Variants in DESI2 observed in about 807,000 individuals in gnomAD.
DESI2 encodes desumoylating isopeptidase 2.
In DESI2, 10 loss-of-function variants were observed where a neutral mutation model predicts 24.1. The observed-to-expected ratio is 0.41, with a 90% CI of 0.26 to 0.70. The LOEUF (loss-of-function observed/expected upper bound fraction) is 0.70, where lower values mean the gene tolerates loss of function less well. Ranked by LOEUF, DESI2 falls within the 30% of genes least tolerant of loss-of-function variation. The pLI is 0.29. For missense variants in DESI2, 122 were observed against 234.9 expected (o/e 0.52, Z 3.14); for synonymous variants, 71 against 87.7 (o/e 0.81, Z 1.06).
Position 244,705,881 on chromosome 1 carries a change from A to G in DESI2, c.*92A>G. On this transcript the variant is annotated 3_prime_UTR_variant, in exon 5 of 5. Transcript: ENST00000302550. ...GAGAAGCATCCTTTAGATATTTTGT[A>G]TGCAAAGATGGCTCTCCCCCAAATC... 3.4e-6 allele frequency: 3 copies of G among 887,772 alleles called. No individual in the cohort carries two copies. The highest frequency in any genetic ancestry group is 5.1e-6 in the Non-Finnish European group (3 of 588,752). 55.0% of individuals were successfully genotyped at this position (887,772 alleles called of 1,614,324 possible).
chr1:244,657,782 G>C (rs1197264191), intron 1 of DESI2, among the ~76,000 whole-genome samples: 2 of 152,246 alleles, frequency 1.3e-5, no homozygotes, highest in Non-Finnish European at 2.9e-5. Flanking sequence ...TCAGTCAGCA[G>C]TATGTGAAGG....
chr1:244,663,241 G>A (rs527285485), intron 1 of DESI2, among the ~76,000 whole-genome samples: 8 of 151,114 alleles, frequency 5.3e-5, no homozygotes, highest in African/African-American at 1.7e-4. Context: ...GCTGGCATCC[G>A]TCTCGGCTCA....
At chr1:244,660,359 G>T (rs1281393031) in intron 1 of DESI2, among the ~76,000 whole-genome samples, 1 of 152,076 alleles carries the variant, frequency 6.6e-6, no homozygotes, top group Non-Finnish European at 1.5e-5. Context: ...GTAGAGGCAG[G>T]GTTTCACCAT....
intron 1 of DESI2, among the ~76,000 whole-genome samples, chr1:244,665,454 C>A (rs9803720): frequency 6.6e-6 from 1 of 151,884 alleles, no homozygotes; most frequent in South Asian, 2.1e-4. Flanking sequence ...AACTTCTGCA[C>A]TCTGTGGCAC....
At chr1:244,678,080 T>A (rs1359114427) in intron 1 of DESI2, among the ~76,000 whole-genome samples, 1 of 152,184 alleles carries the variant, frequency 6.6e-6, no homozygotes, top group Non-Finnish European at 1.5e-5. Flanking sequence ...ACCTGATAGT[T>A]CAACTTTCTA....
intron 1 of DESI2, among the ~76,000 whole-genome samples, chr1:244,655,617 G>A (rs1485309448): frequency 2.0e-5 from 3 of 152,208 alleles, no homozygotes; most frequent in Non-Finnish European, 4.4e-5. Context: ...GAATAGCATG[G>A]TTTTGATAAG....
At position 244,686,667 on chromosome 1, in the gene DESI2, G is replaced by C. The variant is rs1168700978; in HGVS notation, c.113G>C (p.Arg38Thr). ...VFHSGIEVYG[R>T]EFAYGGHPYP... ...CATTCAGGAATTGAAGTCTATGGCA[G>C]AGGTACGTGTACACACAGTCTAAAT... The change falls in exon 2 of 5, where the codon AGA (arginine) becomes ACA (threonine). Residue 38 changes from arginine to threonine, a missense_variant and splice_region_variant. Around this residue, in one of 6 missense-constraint regions of DESI2, gnomAD observed 16 missense variants for 65.7 expected, o/e 0.24. Transcript: ENST00000302550. 6.3e-7 allele frequency: 1 copy of C among 1,595,130 alleles called. No homozygotes were observed. Among genetic ancestry groups the C allele is most frequent in the Non-Finnish European group, 8.6e-7 (1 of 1,162,654 alleles).
Position 244,689,287 on chromosome 1 carries a change from A to G in DESI2, c.154A>G (p.Ile52Val). 6.3e-7 allele frequency: 1 copy of G among 1,592,470 alleles called. No homozygotes were observed. The highest frequency in any genetic ancestry group is 8.6e-7 in the Non-Finnish European group (1 of 1,160,568). Residue 52 changes from isoleucine to valine, a missense_variant, in exon 3 of 5, where the codon ATA becomes GTA. Ile to Val is a conservative substitution (Grantham distance 29). Around this residue, in one of 6 missense-constraint regions of DESI2, gnomAD observed 16 missense variants for 65.7 expected, o/e 0.24. Transcript: ENST00000302550. The surrounding 1 kb of genome is among the most constrained non-coding windows in gnomAD (Gnocchi z 4.0). ...YGGHPYPFSG[I>V]FEISPGNASE... ...TGGCCATCCTTACCCCTTTTCTGGA[A>G]TATTTGAAATTTCCCCAGGAAATGC...
chr1:244,674,937 CTG>C (rs1676366251), intron 1 of DESI2, among the ~76,000 whole-genome samples: 1 of 152,176 alleles, frequency 6.6e-6, no homozygotes, highest in South Asian at 2.1e-4. Context: ...AACTGCCAAA[CTG>C]TTTTCCAAGG....
intron 1 of DESI2, 95 bp downstream of exon 1, chr1:244,653,450 G>A (rs1675532655): frequency 4.5e-6 from 6 of 1,327,096 alleles, no homozygotes; most frequent in South Asian, 1.4e-5. Context: ...TTCCTGCCTG[G>A]CGTCTCCGCC....
At chr1:244,679,921 G>C (rs986144780) in intron 1 of DESI2, among the ~76,000 whole-genome samples, 2 of 144,754 alleles carry the variant, frequency 1.4e-5, no homozygotes, top group African/African-American at 5.1e-5. Flanking sequence ...CCATAGTGCT[G>C]TTATCACACC....
At chr1:244,663,846 A>G (rs563022910) in intron 1 of DESI2, among the ~76,000 whole-genome samples, 64 of 151,940 alleles carry the variant, frequency 4.2e-4, no homozygotes, top group East Asian at 1.6e-3. Flanking sequence ...GTGAAACCCC[A>G]TCTCTGCTAA....
intron 1 of DESI2, chr1:244,653,752 G>C (rs944854507): frequency 1.2e-5 from 4 of 336,834 alleles, no homozygotes; most frequent in African/African-American, 4.4e-5. Flanking sequence ...TGCGCTCCCA[G>C]CTCCTCTGCT....
Position 244,705,915 on chromosome 1 carries a change from T to C in DESI2, c.*126T>C. The C allele has an allele frequency of 1.4e-6, 1 of 692,780 alleles. No homozygotes were observed. Among genetic ancestry groups the C allele is most frequent in the East Asian group, 2.7e-5 (1 of 36,622 alleles). The allele number at this position is 692,780 out of a possible 1,614,324, so 42.9% of individuals were successfully genotyped here. A position where few individuals can be genotyped will look rare whatever the true frequency, so the allele number is the denominator to read the frequency against. Reference sequence around the variant, plus strand: ...TGGCTCTCCCCCAAATCCCAGTTTTTCAGCTCAGGATTATATTTGTAATCA... The same window carrying C: ...TGGCTCTCCCCCAAATCCCAGTTTTCCAGCTCAGGATTATATTTGTAATCA... On this transcript the variant is annotated 3_prime_UTR_variant, in exon 5 of 5. Transcript: ENST00000302550.
At chr1:244,674,365 A>G (rs1676346767) in intron 1 of DESI2, among the ~76,000 whole-genome samples, 1 of 150,846 alleles carries the variant, frequency 6.6e-6, no homozygotes, top group East Asian at 1.9e-4. Context: ...TTCATATACT[A>G]GATGAACTAT....
chr1:244,669,351 T>G (rs904965459), intron 1 of DESI2, among the ~76,000 whole-genome samples: 1 of 151,984 alleles, frequency 6.6e-6, no homozygotes, highest in Non-Finnish European at 1.5e-5. Context: ...TTCAGAATCT[T>G]AATAAGAAAA....
chr1:244,657,030 C>T (rs960870211), intron 1 of DESI2, among the ~76,000 whole-genome samples: 3 of 152,226 alleles, frequency 2.0e-5, no homozygotes, highest in African/African-American at 4.8e-5. Flanking sequence ...GCCTCAGCGT[C>T]CCAAAGTTCT....
intron 4 of DESI2, among the ~76,000 whole-genome samples, chr1:244,693,511 A>C (rs1262457740): frequency 6.6e-6 from 1 of 151,904 alleles, no homozygotes; most frequent in Non-Finnish European, 1.5e-5. Context: ...GGCTCACCAC[A>C]ACCTCTGCCT....
At position 244,706,009 on chromosome 1, in the gene DESI2, C is replaced by G. The variant is rs900943413; in HGVS notation, c.*220C>G. 8 of 534,736 alleles carry G rather than the reference C, an allele frequency of 1.5e-5. No homozygotes were observed. Among genetic ancestry groups the G allele is most frequent in the Non-Finnish European group, 2.7e-5 (8 of 300,218 alleles). The allele number at this position is 534,736 out of a possible 1,614,324, so 33.1% of individuals were successfully genotyped here. On this transcript the variant is annotated 3_prime_UTR_variant, in exon 5 of 5. Transcript: ENST00000302550. Reference sequence around the variant, plus strand: ...AGCTGCCCTCTGTTTTTTTTATCCACTCGTAAATCTGGATTTATTTCTTCT... The same window carrying G: ...AGCTGCCCTCTGTTTTTTTTATCCAGTCGTAAATCTGGATTTATTTCTTCT...
Sources: allele counts gnomAD v4.1 joint callset (sites outside exome capture counted in the v4.1 genomes callset), GRCh38; gene constraint gnomAD v4.1.1; regional missense constraint gnomAD v4.1.1; non-coding constraint Gnocchi (gnomAD v3.1); transcripts MANE v1.5; gene names NCBI Gene and HGNC (gene_info 2026-07-23, HGNC 2026-07-21).